The following GALNT18 variants were observed in gnomAD, a reference collection of about 807,000 sequenced individuals.
GALNT18 encodes the protein polypeptide N-acetylgalactosaminyltransferase 18, also known as GalNAc-transferase 18.
A neutral mutation model predicts 69.5 loss-of-function variants in GALNT18; 44 were observed. The ratio of observed to expected loss-of-function variants is 0.63; its 90% CI spans 0.50 to 0.81. GALNT18 has a LOEUF of 0.81. GALNT18 is among the 40% of genes least tolerant of loss of function. The probability of loss-of-function intolerance (pLI) is 0.00; values close to 1 mark genes in which losing one functional copy is unlikely to be tolerated. For synonymous variants in GALNT18, 364 were observed against 318.2 expected (o/e 1.14, Z -1.53); for missense variants, 715 against 810.0 (o/e 0.88, Z 1.42).
chr11:11,432,944 T>C lies in GALNT18; in HGVS notation c.429-157A>G, dbSNP rs1855308893. ...TGATGCACTTAAGATGAGCCCTAAA[T>C]GTCCAGCAGAAAGGCCCACAAGCAT... is the stretch of plus-strand genomic sequence containing the variant. On this transcript the variant is annotated intron_variant, in intron 2 of 10. Transcript: ENST00000227756. The surrounding 1 kb of genome is among the most constrained non-coding windows in gnomAD (Gnocchi z 5.8). Among the ~76,000 whole-genome samples, 1 of 152,162 alleles carries C rather than the reference T, an allele frequency of 6.6e-6. No homozygotes were observed. The highest frequency in any genetic ancestry group is 6.5e-5 in the Admixed American group (1 of 15,274).
Position 11,583,530 on chromosome 11 carries a change from T to C in GALNT18, c.235+37829A>G, listed in dbSNP as rs1232920752. 6.6e-5 allele frequency among the ~76,000 whole-genome samples: 10 copies of C among 152,174 alleles called. No individual in the cohort carries two copies. The highest frequency in any genetic ancestry group is 2.4e-4 in the African/African-American group (10 of 41,438). ...GTGCACGAAAGCTGAGTTTAATCAA[T>C]AAATAAGAGTTGTAGCTACTAAATT... On this transcript the variant is annotated intron_variant, in intron 1 of 10. Transcript: ENST00000227756. This position sits in a 1 kb window ranked among gnomAD's most constrained non-coding sequence, Gnocchi z 4.7.
At chr11:11,368,535 T>G (rs2133666062) in intron 6 of GALNT18, among the ~76,000 whole-genome samples, 1 of 152,338 alleles carries the variant, frequency 6.6e-6, no homozygotes, top group Admixed American at 6.5e-5. Context: ...TTCACAATTT[T>G]TTCTGGGCCC....
Position 11,341,085 on chromosome 11 carries a change from G to T in GALNT18, c.1093-81C>A. 1 of 1,375,068 alleles carries T rather than the reference G, an allele frequency of 7.3e-7. No individual in the cohort carries two copies. Among genetic ancestry groups the T allele is most frequent in the South Asian group, 1.4e-5 (1 of 71,308 alleles). The allele number at this position is 1,375,068 out of a possible 1,614,324, so 85.2% of individuals were successfully genotyped here. On this transcript the variant is annotated intron_variant, in intron 6 of 10. Coordinates refer to ENST00000227756, the MANE Select transcript of GALNT18 (RefSeq NM_198516.3). The surrounding 1 kb of genome is among the most constrained non-coding windows in gnomAD (Gnocchi z 6.3). ...CAGGCCTCAGGCAGCCACTTGACAT[G>T]AGCAGGAAGAAAGTCAGCCCCTTCA...
chr11:11,349,215 A>G (rs1049764124), intron 6 of GALNT18, among the ~76,000 whole-genome samples: 3 of 152,238 alleles, frequency 2.0e-5, no homozygotes, highest in Middle Eastern at 3.4e-3. Flanking sequence ...TAGTTGGTCG[A>G]CAGTCTTGTT....
chr11:11,332,435 C>A lies in GALNT18; in HGVS notation c.1416+259G>T, dbSNP rs966683571. ...CTGCTTTATTATGTGTTTTATTAAGCGGAATATGCAGGTGTGGGGCCAGAG... is the reference window on the plus strand; with the variant it reads ...CTGCTTTATTATGTGTTTTATTAAGAGGAATATGCAGGTGTGGGGCCAGAG... On this transcript the variant is annotated intron_variant, in intron 8 of 10. Transcript: ENST00000227756. The surrounding 1 kb of genome is among the most constrained non-coding windows in gnomAD (Gnocchi z 4.3). 6.6e-6 allele frequency among the ~76,000 whole-genome samples: 1 copy of A among 152,176 alleles called. No homozygotes were observed. The highest frequency in any genetic ancestry group is 6.5e-5 in the Admixed American group (1 of 15,294).
Position 11,413,449 on chromosome 11 carries a change from G to C in GALNT18, c.595+19172C>G, listed in dbSNP as rs1410534631. ...TCAGGGATTTGATCATCCTACGGAC[G>C]ATTCCTTATTCACGTTCATTCTTCT... On this transcript the variant is annotated intron_variant, in intron 3 of 10. Coordinates refer to ENST00000227756, the MANE Select transcript of GALNT18 (RefSeq NM_198516.3). This position sits in a 1 kb window ranked among gnomAD's most constrained non-coding sequence, Gnocchi z 4.7. Among the ~76,000 whole-genome samples the C allele has an allele frequency of 6.6e-6, 1 of 152,194 alleles. No individual in the cohort carries two copies. The highest frequency in any genetic ancestry group is 1.5e-5 in the Non-Finnish European group (1 of 68,036).
intron 1 of GALNT18, among the ~76,000 whole-genome samples, chr11:11,528,234 T>C (rs1857562042): frequency 6.6e-6 from 1 of 152,216 alleles, no homozygotes; most frequent in African/African-American, 2.4e-5. Flanking sequence ...TGTGTGTTTG[T>C]GGAAACGTAT....
At chr11:11,284,539 G>A (rs973674979) in intron 10 of GALNT18, among the ~76,000 whole-genome samples, 5 of 152,190 alleles carry the variant, frequency 3.3e-5, no homozygotes, top group African/African-American at 1.2e-4. Context: ...GAGGTGGAAC[G>A]TCTGGAGTAT....
chr11:11,515,958 T>C (rs1333778738), intron 1 of GALNT18, among the ~76,000 whole-genome samples: 1 of 152,154 alleles, frequency 6.6e-6, no homozygotes, highest in Non-Finnish European at 1.5e-5. Context: ...TCATAGTTTC[T>C]GGGCGGGCCC....
At chr11:11,410,494 C>A (rs531267651) in intron 3 of GALNT18, among the ~76,000 whole-genome samples, 82 of 152,250 alleles carry the variant, frequency 5.4e-4, no homozygotes, top group South Asian at 2.3e-3. Context: ...ATAATAAAGA[C>A]AGCAAATGAA....
At position 11,543,178 on chromosome 11, in the gene GALNT18, C is replaced by T. The variant is rs781186286; in HGVS notation, c.235+78181G>A. On this transcript the variant is annotated intron_variant, in intron 1 of 10. Coordinates refer to ENST00000227756, the MANE Select transcript of GALNT18 (RefSeq NM_198516.3). This position sits in a 1 kb window ranked among gnomAD's most constrained non-coding sequence, Gnocchi z 5.1. The stretch of plus-strand genomic sequence containing the variant: ...TCTGCCACTTAGGGAGTAGAGCCTG[C>T]CAAATGGCTATAATGTCTTGGATGT... Among the ~76,000 whole-genome samples the T allele has an allele frequency of 6.6e-6, 1 of 152,152 alleles. No homozygotes were observed. Among genetic ancestry groups the T allele is most frequent in the Non-Finnish European group, 1.5e-5 (1 of 68,018 alleles).
In GALNT18 at chr11:11,511,017, G is replaced by T. The variant is rs1238868380; in HGVS notation, c.236-62081C>A. 2.0e-5 allele frequency among the ~76,000 whole-genome samples: 3 copies of T among 152,014 alleles called. No homozygotes were observed. Among genetic ancestry groups the T allele is most frequent in the African/African-American group, 7.2e-5 (3 of 41,388 alleles). On this transcript the variant is annotated intron_variant, in intron 1 of 10. Coordinates refer to ENST00000227756, the MANE Select transcript of GALNT18 (RefSeq NM_198516.3). The surrounding 1 kb of genome is among the most constrained non-coding windows in gnomAD (Gnocchi z 4.9). ...ACAACCGGCACTCTTTCCTCTCGGC[G>T]GGGCGTGCAGCTGGTACCGCCTTCC...
Position 11,454,318 on chromosome 11 carries a change from C to T in GALNT18, c.236-5382G>A, listed in dbSNP as rs993080399. ...GCTTCTCAGGTAGTTCCACAAAATA[C>T]GGTCAGTGGTAAGCAATCTCCACTG... On this transcript the variant is annotated intron_variant, in intron 1 of 10. Coordinates refer to ENST00000227756, the MANE Select transcript of GALNT18 (RefSeq NM_198516.3). This position sits in a 1 kb window ranked among gnomAD's most constrained non-coding sequence, Gnocchi z 4.2. Among the ~76,000 whole-genome samples the T allele has an allele frequency of 3.3e-5, 5 of 152,140 alleles. No individual in the cohort carries two copies. The highest frequency in any genetic ancestry group is 9.7e-5 in the African/African-American group (4 of 41,434).
At position 11,505,361 on chromosome 11, in the gene GALNT18, T is replaced by C. The variant is rs1857050155; in HGVS notation, c.236-56425A>G. Among the ~76,000 whole-genome samples, 4 of 152,184 alleles carry C rather than the reference T, an allele frequency of 2.6e-5. No individual in the cohort carries two copies. The South Asian group carries it at 8.3e-4, about 32-fold the overall frequency. ...TAAGATAACAGTGTGAGTTACCAGATTCTTGAATCTCTATGAAGGATGGCA... is the reference window on the plus strand; with the variant it reads ...TAAGATAACAGTGTGAGTTACCAGACTCTTGAATCTCTATGAAGGATGGCA... On this transcript the variant is annotated intron_variant, in intron 1 of 10. Coordinates refer to ENST00000227756, the MANE Select transcript of GALNT18 (RefSeq NM_198516.3). The surrounding 1 kb of genome is among the most constrained non-coding windows in gnomAD (Gnocchi z 4.6).
At chr11:11,440,968 AC>A (rs1855521033) in intron 2 of GALNT18, among the ~76,000 whole-genome samples, 1 of 152,186 alleles carries the variant, frequency 6.6e-6, no homozygotes, top group Non-Finnish European at 1.5e-5. Flanking sequence ...AAAGTGGGGA[AC>A]CAGGTTTTAA....
intron 1 of GALNT18, among the ~76,000 whole-genome samples, chr11:11,486,881 G>C (rs562358865): frequency 1.3e-5 from 2 of 152,348 alleles, no homozygotes; most frequent in African/African-American, 4.8e-5. Flanking sequence ...AGATGGATAA[G>C]AGCTGTGTAT....
chr11:11,480,045 G>A lies in GALNT18; in HGVS notation c.236-31109C>T, dbSNP rs1856489732. 6.6e-6 allele frequency among the ~76,000 whole-genome samples: 1 copy of A among 152,138 alleles called. No homozygotes were observed. The highest frequency in any genetic ancestry group is 1.5e-5 in the Non-Finnish European group (1 of 68,028). On this transcript the variant is annotated intron_variant, in intron 1 of 10. Coordinates refer to ENST00000227756, the MANE Select transcript of GALNT18 (RefSeq NM_198516.3). The surrounding 1 kb of genome is among the most constrained non-coding windows in gnomAD (Gnocchi z 4.6). ...GAGGCTAGAGAAGAGAGATGGGAGA[G>A]TTTGTAGATCTTGGAGCGGGGAGGG... is the stretch of plus-strand genomic sequence containing the variant.
Position 11,603,309 on chromosome 11 carries a change from C to G in GALNT18, c.235+18050G>C, listed in dbSNP as rs891005232. On this transcript the variant is annotated intron_variant, in intron 1 of 10. Transcript: ENST00000227756. This position sits in a 1 kb window ranked among gnomAD's most constrained non-coding sequence, Gnocchi z 4.5. Reference sequence around the variant, plus strand: ...AACACTGGCTCAGTTACCACCTCAGCGTTCAGAATCTAGAGAGTTTTCTAG... The same window carrying G: ...AACACTGGCTCAGTTACCACCTCAGGGTTCAGAATCTAGAGAGTTTTCTAG... 1.3e-5 allele frequency among the ~76,000 whole-genome samples: 2 copies of G among 152,216 alleles called. No homozygotes were observed. The highest frequency in any genetic ancestry group is 4.1e-4 in the South Asian group (2 of 4,836).
At position 11,613,136 on chromosome 11, in the gene GALNT18, A is replaced by G. The variant is rs1157899133; in HGVS notation, c.235+8223T>C. Among the ~76,000 whole-genome samples the G allele has an allele frequency of 6.6e-6, 1 of 152,248 alleles. No individual in the cohort carries two copies. The highest frequency in any genetic ancestry group is 1.5e-5 in the Non-Finnish European group (1 of 68,050). On this transcript the variant is annotated intron_variant, in intron 1 of 10. Coordinates refer to ENST00000227756, the MANE Select transcript of GALNT18 (RefSeq NM_198516.3). This position sits in a 1 kb window ranked among gnomAD's most constrained non-coding sequence, Gnocchi z 4.2. ...GCATCCCCACTGGGACGAACTGTCT[A>G]GCAACATATTTTAATCCATAATCGT...
Sources: gnomAD v4.1 joint callset for allele counts (sites outside exome capture counted in the v4.1 genomes callset) on GRCh38, gnomAD v4.1.1 for gene constraint, Gnocchi (gnomAD v3.1) non-coding constraint, MANE v1.5 for transcripts, NCBI Gene and HGNC (gene_info 2026-07-23, HGNC 2026-07-21) for gene names.